LRRC4C: variants seen among roughly 807,000 people sequenced by gnomAD.
The protein encoded by LRRC4C is leucine rich repeat containing 4C.
Under a neutral mutation model 33.6 loss-of-function variants are expected in LRRC4C, and 5 were observed. The ratio of observed to expected loss-of-function variants is 0.15; its 90% CI spans 0.08 to 0.31. The LOEUF is 0.31. LRRC4C is among the 10% of genes least tolerant of loss of function. The pLI, the probability that LRRC4C is intolerant of heterozygous loss-of-function variation, is 1.00. For synonymous variants in LRRC4C, 329 were observed against 302.0 expected (o/e 1.09, Z -0.93); for missense variants, 560 against 796.7 (o/e 0.70, Z 3.58).
At chr11:41,076,718 G>T (rs80238985) in intron 1 of LRRC4C, among the ~76,000 whole-genome samples, 2,924 of 152,094 alleles carry the variant, frequency 0.019, 100 homozygotes, top group African/African-American at 0.067. Context: ...CAAATCTCAC[G>T]TCCTTTTCAC....
At chr11:41,129,337 T>C (rs1942905662) in intron 1 of LRRC4C, among the ~76,000 whole-genome samples, 1 of 151,980 alleles carries the variant, frequency 6.6e-6, no homozygotes, top group South Asian at 2.1e-4. Flanking sequence ...GGTGGAAGTA[T>C]ATGTTACTTT....
At chr11:40,855,528 T>G (rs958334044) in intron 2 of LRRC4C, among the ~76,000 whole-genome samples, 12 of 152,180 alleles carry the variant, frequency 7.9e-5, no homozygotes, top group African/African-American at 2.9e-4. Context: ...TGTGTGTTTT[T>G]GGATTTTTTT....
intron 1 of LRRC4C, among the ~76,000 whole-genome samples, chr11:41,192,258 A>G (rs1024730721): frequency 1.3e-5 from 2 of 152,086 alleles, no homozygotes; most frequent in African/African-American, 4.8e-5. Context: ...AGGAGAGCAC[A>G]TACTTATCTT....
chr11:40,906,308 C>T (rs911729110), intron 2 of LRRC4C, among the ~76,000 whole-genome samples: 20 of 152,130 alleles, frequency 1.3e-4, no homozygotes, highest in African/African-American at 4.1e-4. Context: ...GTCAGGAGTT[C>T]GAGACCAGCC....
At chr11:40,789,415 CT>C (rs1156348243) in intron 2 of LRRC4C, among the ~76,000 whole-genome samples, 8 of 152,092 alleles carry the variant, frequency 5.3e-5, no homozygotes, top group African/African-American at 1.9e-4. Flanking sequence ...CTCTCTCCCA[CT>C]TTTTATGCTT....
intron 4 of LRRC4C, among the ~76,000 whole-genome samples, chr11:40,297,105 C>A (rs957083741): frequency 6.6e-6 from 1 of 152,092 alleles, no homozygotes; most frequent in Admixed American, 6.6e-5. Context: ...ATCTTGTAAT[C>A]AGAAATACAA....
intron 3 of LRRC4C, among the ~76,000 whole-genome samples, chr11:40,385,534 T>G (rs1356255551): frequency 6.6e-6 from 1 of 152,000 alleles, no homozygotes; most frequent in Non-Finnish European, 1.5e-5. Context: ...CATTGAAGAC[T>G]ACTAGAGGGG....
intron 4 of LRRC4C, among the ~76,000 whole-genome samples, chr11:40,248,799 T>C (rs1866543010): frequency 6.6e-6 from 1 of 152,190 alleles, no homozygotes; most frequent in Admixed American, 6.5e-5. Context: ...CATTACATAT[T>C]TTACGCATAT....
At chr11:40,443,864 C>T (rs1399235411) in intron 3 of LRRC4C, among the ~76,000 whole-genome samples, 1 of 152,126 alleles carries the variant, frequency 6.6e-6, no homozygotes, top group African/African-American at 2.4e-5. Context: ...TCATTAACCA[C>T]CCTTCATCAT....
At chr11:41,217,152 T>A (rs80248260) in intron 1 of LRRC4C, among the ~76,000 whole-genome samples, 14,577 of 152,234 alleles carry the variant, frequency 0.096, 914 homozygotes, top group Middle Eastern at 0.19. Flanking sequence ...TTTGGCCATA[T>A]AATGAATGGA....
At chr11:40,374,507 T>C (rs1449359997) in intron 3 of LRRC4C, among the ~76,000 whole-genome samples, 4 of 152,192 alleles carry the variant, frequency 2.6e-5, no homozygotes, top group Admixed American at 2.6e-4. Context: ...GAATACTTAA[T>C]ATGTACCAGG....
At chr11:40,705,345 A>C (rs895052057) in intron 2 of LRRC4C, among the ~76,000 whole-genome samples, 1 of 151,740 alleles carries the variant, frequency 6.6e-6, no homozygotes, top group Non-Finnish European at 1.5e-5. Flanking sequence ...TCCCAACGCT[A>C]TCCCTCCCCC....
At chr11:40,764,094 AC>A (rs1949345068) in intron 2 of LRRC4C, among the ~76,000 whole-genome samples, 1 of 152,080 alleles carries the variant, frequency 6.6e-6, no homozygotes, top group African/African-American at 2.4e-5. Flanking sequence ...AGTGGGGAGG[AC>A]TTTGTCTTGC....
chr11:41,361,513 G>T (rs985748463), intron 1 of LRRC4C, among the ~76,000 whole-genome samples: 4 of 152,088 alleles, frequency 2.6e-5, no homozygotes, highest in Non-Finnish European at 5.9e-5. Context: ...TTCCTTCTAA[G>T]CATTCTATTT....
chr11:40,639,763 T>G (rs921071368), intron 3 of LRRC4C, among the ~76,000 whole-genome samples: 1 of 152,180 alleles, frequency 6.6e-6, no homozygotes, highest in Non-Finnish European at 1.5e-5. Context: ...AACATGAATA[T>G]GGAGTTAAAG....
chr11:41,275,339 C>T (rs1265006784), intron 1 of LRRC4C, among the ~76,000 whole-genome samples: 2 of 152,108 alleles, frequency 1.3e-5, no homozygotes, highest in African/African-American at 2.4e-5. Flanking sequence ...GATTTTTGGT[C>T]TGAATAATGG....
chr11:41,172,331 C>A (rs552399832), intron 1 of LRRC4C, among the ~76,000 whole-genome samples: 1,971 of 152,170 alleles, frequency 0.013, 53 homozygotes, highest in African/African-American at 0.044. Context: ...TATTGTTCTG[C>A]ATTTGCTTTC....
At chr11:40,678,352 G>C (rs892409259) in intron 2 of LRRC4C, among the ~76,000 whole-genome samples, 1 of 151,804 alleles carries the variant, frequency 6.6e-6, no homozygotes, top group African/African-American at 2.4e-5. Flanking sequence ...ATTTCCATGC[G>C]CACCAGATAT....
intron 2 of LRRC4C, among the ~76,000 whole-genome samples, chr11:40,886,405 C>T (rs1415977792): frequency 4.3e-5 from 1 of 23,480 alleles, no homozygotes; most frequent in Non-Finnish European, 1.1e-4. Context: ...GTTTCAAATG[C>T]TACACACACA....
Sources: gnomAD v4.1 joint callset for allele counts (sites outside exome capture counted in the v4.1 genomes callset) on GRCh38, gnomAD v4.1.1 for gene constraint, MANE v1.5 for transcripts, NCBI Gene and HGNC (gene_info 2026-07-23, HGNC 2026-07-21) for gene names.